The following FRMD4B variants were observed in gnomAD, a reference collection of about 807,000 sequenced individuals.
The protein encoded by FRMD4B is FERM domain-containing protein 4B.
A neutral mutation model predicts 141.5 loss-of-function variants in FRMD4B; 74 were observed. The ratio of observed to expected loss-of-function variants is 0.52; its 90% CI spans 0.43 to 0.63. The LOEUF is 0.63. FRMD4B is among the 30% of genes least tolerant of loss of function. FRMD4B has a pLI of 0.00. For synonymous variants in FRMD4B, 506 were observed against 467.9 expected (o/e 1.08, Z -1.05); for missense variants, 1,366 against 1,253.4 (o/e 1.09, Z -1.36).
chr3:69,245,859 G>A (rs369196671), intron 7 of FRMD4B, among the ~76,000 whole-genome samples: 3 of 71,350 alleles, frequency 4.2e-5, no homozygotes, highest in Admixed American at 2.8e-4. Flanking sequence ...TTTTTTTTGA[G>A]ACAGTTTCAC....
chr3:69,373,223 T>G (rs770952906), intron 1 of FRMD4B, among the ~76,000 whole-genome samples: 2 of 152,262 alleles, frequency 1.3e-5, no homozygotes, highest in Non-Finnish European at 2.9e-5. Context: ...TTTACTTTAG[T>G]TTAAATGAGT....
In FRMD4B at chr3:69,498,428, G is replaced by A. The variant is rs541116326; in HGVS notation, c.-129+43778C>T. ...GATTTGAATGGATTGAAGCCTGCAC[G>A]TGTGTGTGCATGAGAGAGAGAGAGA... On this transcript the variant is annotated intron_variant, in intron 1 of 5. Coordinates refer to the FRMD4B transcript ENST00000459638. Among the ~76,000 whole-genome samples, 9 of 152,306 alleles carry A rather than the reference G, an allele frequency of 5.9e-5. No individual in the cohort carries two copies. The South Asian group carries it at 1.7e-3, about 28-fold the overall frequency.
At chr3:69,251,778 C>T (rs563399547) in intron 5 of FRMD4B, among the ~76,000 whole-genome samples, 54 of 152,304 alleles carry the variant, frequency 3.5e-4, no homozygotes, top group African/African-American at 1.2e-3. Context: ...AGGCAGGAGA[C>T]GATGGTTTTC....
intron 1 of FRMD4B, among the ~76,000 whole-genome samples, chr3:69,513,267 A>G (rs974753166): frequency 4.6e-5 from 7 of 152,154 alleles, no homozygotes; most frequent in Non-Finnish European, 8.8e-5. Context: ...AGAGAATACA[A>G]TGAACAATTG....
intron 1 of FRMD4B, among the ~76,000 whole-genome samples, chr3:69,485,592 G>A (rs1706202216): frequency 6.6e-6 from 1 of 152,224 alleles, no homozygotes; most frequent in Non-Finnish European, 1.5e-5. Flanking sequence ...GAAGGGGTAG[G>A]GCTCCCGCTT....
In FRMD4B at chr3:69,470,304, G is replaced by T. The variant is rs75083341; in HGVS notation, c.-128-37543C>A. ...GCATACTCATGATGAGTTTGGAAGG[G>T]GATACTAAAACGTTTGGTTTGTCTT... On this transcript the variant is annotated intron_variant, in intron 1 of 5. Transcript: ENST00000459638. Among the ~76,000 whole-genome samples the T allele has an allele frequency of 4.6e-3, 707 of 152,162 alleles. 27 individuals carry two copies. The East Asian group carries it at 0.099, about 21-fold the overall frequency.
intron 5 of FRMD4B, among the ~76,000 whole-genome samples, chr3:69,284,063 A>G (rs992219590): frequency 1.3e-5 from 2 of 152,170 alleles, no homozygotes; most frequent in African/African-American, 2.4e-5. Flanking sequence ...ACCTTGAACA[A>G]GGCGAGCCCT....
At chr3:69,412,107 G>A (rs561490623) in intron 2 of FRMD4B, among the ~76,000 whole-genome samples, 2 of 152,222 alleles carry the variant, frequency 1.3e-5, no homozygotes, top group African/African-American at 2.4e-5. Flanking sequence ...CTAGGAGGTG[G>A]GTCCATTTAT....
chr3:69,216,306 C>T lies in FRMD4B; in HGVS notation c.833G>A (p.Gly278Glu). ...GTCTTGTATATCATATTGGCCAATT[C>T]CCTTATAGCTTATTCCAAGCCACCA... is the stretch of plus-strand genomic sequence containing the variant. ...LPWWLGISYK[G>E]IGQYDIQDKV... Residue 278 changes from glycine to glutamate, a missense_variant, in exon 11 of 23, where the codon GGA (glycine) becomes GAA (glutamate). Coordinates refer to ENST00000398540, the MANE Select transcript of FRMD4B (RefSeq NM_015123.3). 1 of 1,580,748 alleles carries T rather than the reference C, an allele frequency of 6.3e-7. No homozygotes were observed. Among genetic ancestry groups the T allele is most frequent in the Non-Finnish European group, 8.6e-7 (1 of 1,158,722 alleles).
chr3:69,323,694 T>G (rs1702093275), intron 1 of FRMD4B, among the ~76,000 whole-genome samples: 1 of 146,986 alleles, frequency 6.8e-6, no homozygotes, highest in Non-Finnish European at 1.5e-5. Flanking sequence ...GTAAGGTGGA[T>G]TCCATTACTA....
intron 2 of FRMD4B, among the ~76,000 whole-genome samples, chr3:69,391,316 G>T (rs1704378358): frequency 6.6e-6 from 1 of 151,378 alleles, no homozygotes; most frequent in African/African-American, 2.4e-5. Context: ...TGTTACATAT[G>T]TATACATGTG....
chr3:69,182,566 C>T (rs1168546886), intron 20 of FRMD4B, 32 bp downstream of exon 20: 1 of 1,572,852 alleles, frequency 6.4e-7, no homozygotes, highest in Non-Finnish European at 8.6e-7. Flanking sequence ...AAAATCAAGA[C>T]AGCTAAAGCA....
intron 1 of FRMD4B, among the ~76,000 whole-genome samples, chr3:69,343,388 G>A (rs1196897864): frequency 5.3e-5 from 8 of 152,020 alleles, no homozygotes; most frequent in Admixed American, 3.9e-4. Flanking sequence ...TGTCCGTTAG[G>A]TGTGGATAAA....
intron 1 of FRMD4B, among the ~76,000 whole-genome samples, chr3:69,504,126 C>T (rs2107074772): frequency 6.6e-6 from 1 of 152,232 alleles, no homozygotes; most frequent in Non-Finnish European, 1.5e-5. Context: ...AGCTTATACA[C>T]ACACATATTT....
In FRMD4B at chr3:69,410,726, A is replaced by AATATATATAT. The variant is rs767608068; in HGVS notation, c.-1+21898_-1+21907dup. 8.1e-4 allele frequency among the ~76,000 whole-genome samples: 70 copies of AATATATATAT among 86,226 alleles called. 1 individual carries two copies. Among genetic ancestry groups the AATATATATAT allele is most frequent in the South Asian group, 1.2e-3 (3 of 2,604 alleles). 56.6% of individuals were successfully genotyped at this position (86,226 alleles called of 152,430 possible). A position where few individuals can be genotyped will look rare whatever the true frequency, so the allele number is the denominator to read the frequency against. The stretch of plus-strand genomic sequence containing the variant: ...AAATATATAAATAAATAAATAAATA[A>AATATATATAT]ATATATATATATATATATATATATA... On this transcript the variant is annotated intron_variant, in intron 2 of 5. Coordinates refer to the FRMD4B transcript ENST00000459638.
At chr3:69,251,326 G>C (rs187700244) in intron 5 of FRMD4B, among the ~76,000 whole-genome samples, 4 of 152,216 alleles carry the variant, frequency 2.6e-5, no homozygotes, top group Admixed American at 2.6e-4. Context: ...GCATCAATGG[G>C]GAGATTAAGT....
At chr3:69,399,504 A>G (rs1387680323) in intron 2 of FRMD4B, among the ~76,000 whole-genome samples, 1 of 152,208 alleles carries the variant, frequency 6.6e-6, no homozygotes, top group Non-Finnish European at 1.5e-5. Context: ...AACAAGTCAC[A>G]TTATGAGATC....
Position 69,250,026 on chromosome 3 carries a change from A to T in FRMD4B, c.558+17T>A. ...AAACACAAGGGAGCTGCTAAGAGGC[A>T]GTTTGTCCAATCTTACCTGTAAAAT... On this transcript the variant is annotated intron_variant, in intron 6 of 22. Transcript: ENST00000398540. The T allele has an allele frequency of 1.3e-6, 2 of 1,557,090 alleles. No individual in the cohort carries two copies. Among genetic ancestry groups the T allele is most frequent in the Non-Finnish European group, 1.8e-6 (2 of 1,127,880 alleles).
chr3:69,301,468 G>A (rs533263133), intron 4 of FRMD4B, among the ~76,000 whole-genome samples: 10 of 152,084 alleles, frequency 6.6e-5, no homozygotes, highest in African/African-American at 2.4e-4. Flanking sequence ...GGCATTACAG[G>A]CACACACCAC....
Sources: allele counts gnomAD v4.1 joint callset (sites outside exome capture counted in the v4.1 genomes callset), GRCh38; gene constraint gnomAD v4.1.1; transcripts MANE v1.5; gene names NCBI Gene and HGNC (gene_info 2026-07-23, HGNC 2026-07-21).